The following AKAP13 variants were observed in gnomAD, a reference collection of about 807,000 sequenced individuals.
AKAP13 encodes the protein A-kinase anchor protein 13.
A neutral mutation model predicts 264.5 loss-of-function variants in AKAP13; 80 were observed. The ratio of observed to expected loss-of-function variants is 0.30; its 90% CI spans 0.25 to 0.36. The LOEUF (loss-of-function observed/expected upper bound fraction) is 0.36. AKAP13 is among the 10% of genes least tolerant of loss of function. The pLI is 1.00. For missense variants in AKAP13, 3,712 were observed against 3,435.2 expected (o/e 1.08, Z -2.01); for synonymous variants, 1,380 against 1,250.2 (o/e 1.10, Z -2.19).
chr15:85,575,360 A>G (rs2078967909), intron 6 of AKAP13, 31 bp downstream of exon 6: 2 of 1,580,668 alleles, frequency 1.3e-6, no homozygotes, highest in African/African-American at 1.3e-5. Flanking sequence ...TTTTAAGTAT[A>G]TGCATGTGTA....
chr15:85,507,271 C>T (rs952263553), intron 2 of AKAP13, among the ~76,000 whole-genome samples: 1 of 151,826 alleles, frequency 6.6e-6, no homozygotes, highest in Non-Finnish European at 1.5e-5. Flanking sequence ...GGTTGGCAAG[C>T]TACAGCCTGT....
intron 5 of AKAP13, among the ~76,000 whole-genome samples, chr15:85,559,321 T>A (rs1393022254): frequency 6.6e-6 from 1 of 152,160 alleles, no homozygotes; most frequent in Non-Finnish European, 1.5e-5. Context: ...TTAAATAATA[T>A]TTAAATAGAA....
At chr15:85,516,389 C>G (rs1018424483) in intron 2 of AKAP13, among the ~76,000 whole-genome samples, 12 of 152,206 alleles carry the variant, frequency 7.9e-5, no homozygotes, top group South Asian at 4.1e-4. Flanking sequence ...GATAAAGACA[C>G]AGGCAGGTTG....
At position 85,560,404 on chromosome 15, in the gene AKAP13, C is replaced by T. The variant is rs116400909; in HGVS notation, c.663-14727C>T. On this transcript the variant is annotated intron_variant, in intron 5 of 36. Coordinates refer to ENST00000394518, the MANE Select transcript of AKAP13 (RefSeq NM_007200.5). Reference sequence around the variant, plus strand: ...TCAAGCAATCTTCTCACCTCAGCCTCCCAAAGTGCTGGGAACACAGGTGTG... The same window carrying T: ...TCAAGCAATCTTCTCACCTCAGCCTTCCAAAGTGCTGGGAACACAGGTGTG... Among the ~76,000 whole-genome samples the T allele has an allele frequency of 1.9e-3, 283 of 152,238 alleles. 1 individual carries two copies. Among genetic ancestry groups the T allele is most frequent in the African/African-American group, 5.6e-3 (231 of 41,522 alleles).
rs116634699 is a variant in AKAP13, at chr15:85,551,964, G to C, written c.662+8009G>C. Reference sequence around the variant, plus strand: ...ATTTTACCTGCATTTATTATTGGCAGAAATAGAAGTGATTGGGGAAACAAG... The same window carrying C: ...ATTTTACCTGCATTTATTATTGGCACAAATAGAAGTGATTGGGGAAACAAG... On this transcript the variant is annotated intron_variant, in intron 5 of 36. Transcript: ENST00000394518. 1.1e-3 allele frequency among the ~76,000 whole-genome samples: 166 copies of C among 152,272 alleles called. 2 individuals carry two copies. The highest frequency in any genetic ancestry group is 3.2e-3 in the African/African-American group (134 of 41,554).
chr15:85,715,645 C>A, intron 19 of AKAP13, 143 bp from the exon 20 acceptor site: 1 of 1,078,556 alleles, frequency 9.3e-7, no homozygotes, highest in Non-Finnish European at 1.3e-6. Flanking sequence ...AGTGTCCTCT[C>A]CTCCATGGAG....
At chr15:85,675,685 C>T (rs531297786) in intron 14 of AKAP13, among the ~76,000 whole-genome samples, 24 of 152,174 alleles carry the variant, frequency 1.6e-4, no homozygotes, top group African/African-American at 5.8e-4. Flanking sequence ...ACTGACAGAC[C>T]TAAGGGGTCA....
chr15:85,721,561 A>G (rs2087284937), intron 23 of AKAP13, among the ~76,000 whole-genome samples: 1 of 152,204 alleles, frequency 6.6e-6, no homozygotes, highest in South Asian at 2.1e-4. Context: ...ACAAACAGAT[A>G]CCTAGGTATG....
At chr15:85,550,122 G>C (rs1452985791) in intron 5 of AKAP13, among the ~76,000 whole-genome samples, 2 of 152,012 alleles carry the variant, frequency 1.3e-5, no homozygotes, top group Admixed American at 6.5e-5. Flanking sequence ...TCACCGTGTC[G>C]GTCAGGCTGG....
chr15:85,675,285 A>C (rs563558233), intron 14 of AKAP13, among the ~76,000 whole-genome samples: 13 of 152,232 alleles, frequency 8.5e-5, no homozygotes, highest in Non-Finnish European at 2.9e-5. Context: ...TTACTTTTGC[A>C]CAAGACTCTG....
chr15:85,487,639 C>T (rs148836620), intron 2 of AKAP13, among the ~76,000 whole-genome samples: 4 of 152,074 alleles, frequency 2.6e-5, no homozygotes, highest in South Asian at 2.1e-4. Context: ...GATCATAGCT[C>T]ACAGCATCGT....
chr15:85,622,572 G>A (rs1017136903), intron 8 of AKAP13, among the ~76,000 whole-genome samples: 6 of 152,316 alleles, frequency 3.9e-5, no homozygotes, highest in African/African-American at 7.2e-5. Context: ...GGTAGTAATC[G>A]GTTAGCCTGC....
At chr15:85,464,375 CT>C (rs1411435043) in intron 1 of AKAP13, among the ~76,000 whole-genome samples, 45 of 152,222 alleles carry the variant, frequency 3.0e-4, no homozygotes, top group African/African-American at 1.0e-3. Context: ...GAGCAGTGTC[CT>C]TAAACAAGTT....
At chr15:85,532,207 T>C (rs1256656587) in intron 3 of AKAP13, among the ~76,000 whole-genome samples, 1 of 152,230 alleles carries the variant, frequency 6.6e-6, no homozygotes, top group Non-Finnish European at 1.5e-5. Context: ...GTGAGAGATT[T>C]CTCTTGCCAC....
intron 8 of AKAP13, among the ~76,000 whole-genome samples, chr15:85,597,914 T>G (rs1010903221): frequency 6.6e-6 from 1 of 152,014 alleles, no homozygotes; most frequent in Non-Finnish European, 1.5e-5. Context: ...ATGTGAAAAA[T>G]GGAAGAGCCT....
chr15:85,473,317 T>C (rs898983424), intron 1 of AKAP13, among the ~76,000 whole-genome samples: 8 of 152,182 alleles, frequency 5.3e-5, no homozygotes, highest in Non-Finnish European at 1.2e-4. Flanking sequence ...AGCAATTTGA[T>C]GTGGAAGGCA....
chr15:85,744,059 G>A lies in AKAP13; in HGVS notation c.8392+234G>A, dbSNP rs970320550. On this transcript the variant is annotated intron_variant, in intron 36 of 36. Transcript: ENST00000394518. ...AGAGAGCATGGGTTTCATTTTCAAG[G>A]CATTATCCGATCGAGGAACTGGAGC... The A allele has an allele frequency of 1.9e-5, 10 of 537,448 alleles. No individual in the cohort carries two copies. In the African/African-American group the frequency reaches 1.9e-4, roughly 10 times the overall value. The allele number at this position is 537,448 out of a possible 1,614,324, so 33.3% of individuals were successfully genotyped here. A position where few individuals can be genotyped will look rare whatever the true frequency, so the allele number is the denominator to read the frequency against.
In AKAP13 at chr15:85,585,624, C is replaced by G. The variant is rs199940108; in HGVS notation, c.4040-78C>G. 18 of 1,581,972 alleles carry G rather than the reference C, an allele frequency of 1.1e-5. No homozygotes were observed. The East Asian group carries it at 4.1e-4, about 36-fold the overall frequency. On this transcript the variant is annotated intron_variant, in intron 7 of 36. Transcript: ENST00000394518. ...AAAAGCAAAACAAAACACATGAAAC[C>G]TGGAGCATGTTGTATGAATAGTAAG...
chr15:85,427,951 G>C (rs1403235683), intron 1 of AKAP13, among the ~76,000 whole-genome samples: 1 of 152,154 alleles, frequency 6.6e-6, no homozygotes, highest in African/African-American at 2.4e-5. Flanking sequence ...TGGATCACCA[G>C]TTTTCAGAGG....
Sources: gnomAD v4.1 joint callset for allele counts (sites outside exome capture counted in the v4.1 genomes callset) on GRCh38, gnomAD v4.1.1 for gene constraint, MANE v1.5 for transcripts, NCBI Gene and HGNC (gene_info 2026-07-23, HGNC 2026-07-21) for gene names.